Variants in SDK2 observed in about 807,000 individuals in gnomAD.
SDK2 encodes sidekick cell adhesion molecule 2, also known as protein sidekick-2.
SDK2 carries 105 observed loss-of-function variants against 253.9 expected under a neutral mutation model. That is an observed-to-expected ratio of 0.41 (90% CI 0.35 to 0.49). The LOEUF (loss-of-function observed/expected upper bound fraction) is 0.49. Among genes scored for constraint, SDK2 ranks in the 20% least tolerant of loss-of-function variants. SDK2 has a pLI of 0.06. For synonymous variants in SDK2, 1,249 were observed against 1,234.9 expected (o/e 1.01, Z -0.24); for missense variants, 2,608 against 3,003.0 (o/e 0.87, Z 3.07).
chr17:73,348,569 C>T, intron 44 of SDK2, 30 bp downstream of exon 44: 2 of 1,608,192 alleles, frequency 1.2e-6, no homozygotes, highest in Non-Finnish European at 1.7e-6. Context: ...TCCCTGCCCC[C>T]TGCAGGACAC....
intron 37 of SDK2, among the ~76,000 whole-genome samples, chr17:73,365,814 G>A (rs1242115166): frequency 2.0e-5 from 3 of 152,050 alleles, no homozygotes; most frequent in Non-Finnish European, 4.4e-5. Context: ...CAGAATATTC[G>A]GTAGGCGCTA....
rs557130122 is a variant in SDK2 at position 73,467,334 on chromosome 17, C to A, written c.331+4778G>T. 3.9e-5 allele frequency among the ~76,000 whole-genome samples: 6 copies of A among 152,064 alleles called. No homozygotes were observed. In the East Asian group the frequency reaches 1.2e-3, roughly 30 times the overall value. ...AATCAGGCAGTCATGGGTTCAAATCCCAGTTTTTCCTAACTGTGTGACTTA... is the reference window on the plus strand; with the variant it reads ...AATCAGGCAGTCATGGGTTCAAATCACAGTTTTTCCTAACTGTGTGACTTA... On this transcript the variant is annotated intron_variant, in intron 3 of 44. Transcript: ENST00000392650. The surrounding 1 kb of genome is among the most constrained non-coding windows in gnomAD (Gnocchi z 4.1).
chr17:73,573,917 G>T (rs2045421785), intron 1 of SDK2, among the ~76,000 whole-genome samples: 1 of 152,132 alleles, frequency 6.6e-6, no homozygotes, highest in African/African-American at 2.4e-5. Context: ...TTGCTCTCAG[G>T]GGCCCTGGGC....
intron 1 of SDK2, among the ~76,000 whole-genome samples, chr17:73,587,309 GGAGCCAGGAGCCTGGAC>G (rs912958309): frequency 3.9e-5 from 6 of 152,198 alleles, no homozygotes; most frequent in African/African-American, 1.4e-4. Flanking sequence ...GGCCCGAGGT[GGAGCCAGGAGCCTGGAC>G]GGGCCAGGGC....
At chr17:73,497,715 C>G (rs2063854481) in intron 2 of SDK2, among the ~76,000 whole-genome samples, 1 of 152,078 alleles carries the variant, frequency 6.6e-6, no homozygotes, top group African/African-American at 2.4e-5. Context: ...CTCCTCTCTG[C>G]TCTCTTCCAC....
intron 1 of SDK2, among the ~76,000 whole-genome samples, chr17:73,528,815 G>T (rs144891591): frequency 6.6e-6 from 1 of 152,124 alleles, no homozygotes; most frequent in Admixed American, 6.5e-5. Flanking sequence ...TGAGAGGAGC[G>T]TCCCCTGGCC....
Position 73,455,013 on chromosome 17 carries a change from ATAT to A in SDK2, c.479+890_479+892del, listed in dbSNP as rs1370908913. Among the ~76,000 whole-genome samples, 3 of 151,972 alleles carry A rather than the reference ATAT, an allele frequency of 2.0e-5. No homozygotes were observed. The highest frequency in any genetic ancestry group is 1.3e-4 in the Admixed American group (2 of 15,264). ...CCGCCGCGTCCGGCCTGTGATAGTGATATTATTATTATTGTTATTGTTACTATG... is the reference window on the plus strand; with the variant it reads ...CCGCCGCGTCCGGCCTGTGATAGTGATATTATTATTGTTATTGTTACTATG... On this transcript the variant is annotated intron_variant, in intron 4 of 44. Transcript: ENST00000392650. This position sits in a 1 kb window ranked among gnomAD's most constrained non-coding sequence, Gnocchi z 5.0.
chr17:73,506,373 G>T (rs1342673410), intron 2 of SDK2, among the ~76,000 whole-genome samples: 1 of 152,208 alleles, frequency 6.6e-6, no homozygotes, highest in Non-Finnish European at 1.5e-5. Context: ...TGCAGGAGGG[G>T]AGGGGGTGCC....
chr17:73,366,473 A>C (rs1224459148), intron 37 of SDK2, among the ~76,000 whole-genome samples: 1 of 152,152 alleles, frequency 6.6e-6, no homozygotes. Context: ...CATAATGAGG[A>C]ACTGATGCCA....
At chr17:73,614,587 GGGC>G in intron 1 of SDK2, among the ~76,000 whole-genome samples, 1 of 95,126 alleles carries the variant, frequency 1.1e-5, no homozygotes, top group African/African-American at 5.1e-5. Flanking sequence ...AGGGAGGGAG[GGGC>G]ATAAGGATTG....
chr17:73,425,401 C>T (rs966043007), intron 12 of SDK2, among the ~76,000 whole-genome samples: 4 of 152,256 alleles, frequency 2.6e-5, no homozygotes, highest in Admixed American at 1.3e-4. Context: ...CTTCCCCGCC[C>T]GGATAGGCAG....
chr17:73,568,981 C>A (rs993837574), intron 1 of SDK2, among the ~76,000 whole-genome samples: 1 of 152,102 alleles, frequency 6.6e-6, no homozygotes, highest in African/African-American at 2.4e-5. Flanking sequence ...GTGCTAATGG[C>A]CTTTGTGTAT....
In SDK2 at chr17:73,385,920, G is replaced by A. The variant is rs751563081; in HGVS notation, c.4499-3C>T. 4 of 1,598,516 alleles carry A rather than the reference G, an allele frequency of 2.5e-6. No homozygotes were observed. The highest frequency in any genetic ancestry group is 1.7e-5 in the Admixed American group (1 of 57,630). ...GATGGTGGGTGCTTCATCGGGGGCT[G>A]TGGAGAGAAGCAGACAGGTGGGTTC... is the stretch of plus-strand genomic sequence containing the variant. On this transcript the variant is annotated splice_region_variant and splice_polypyrimidine_tract_variant and intron_variant, in intron 31 of 44. Coordinates refer to ENST00000392650, the MANE Select transcript of SDK2 (RefSeq NM_001144952.2).
intron 36 of SDK2, among the ~76,000 whole-genome samples, chr17:73,374,365 C>A (rs1462805705): frequency 6.9e-6 from 1 of 144,576 alleles, no homozygotes; most frequent in Non-Finnish European, 1.5e-5. Flanking sequence ...ATTTCCCTAG[C>A]CTCCTCCTTC....
chr17:73,362,682 T>C (rs1018152298), intron 38 of SDK2, among the ~76,000 whole-genome samples: 2 of 152,148 alleles, frequency 1.3e-5, no homozygotes, highest in African/African-American at 4.8e-5. Flanking sequence ...TGAACCACTA[T>C]GCCCAGTCCA....
Position 73,433,843 on chromosome 17 carries a change from C to T in SDK2, c.1201G>A (p.Ala401Thr), listed in dbSNP as rs779304466. 1.2e-5 allele frequency: 19 copies of T among 1,540,880 alleles called. 1 individual carries two copies. In the Middle Eastern group the frequency reaches 5.1e-4, roughly 42 times the overall value. Residue 401 changes from alanine (A) to threonine (T), a missense_variant, in exon 10 of 45, where the codon GCC (alanine) becomes ACC (threonine). Transcript: ENST00000392650. ...TSTYLAVTSI[A>T]PNITRGPLDS... is the part of the protein sequence containing the mutation. ...AGGGGGCCTCTGGTGATGTTAGGGGCGATGCCTGCAAACAGAGAAGTGGGG... is the reference window on the plus strand; with the variant it reads ...AGGGGGCCTCTGGTGATGTTAGGGGTGATGCCTGCAAACAGAGAAGTGGGG...
chr17:73,346,794 C>T (rs2062488375), intron 44 of SDK2, among the ~76,000 whole-genome samples: 1 of 152,160 alleles, frequency 6.6e-6, no homozygotes, highest in Non-Finnish European at 1.5e-5. Flanking sequence ...ACCCACTCTC[C>T]AAAGACCTGG....
chr17:73,428,143 T>TCACAG (rs749550367), intron 12 of SDK2, among the ~76,000 whole-genome samples: 5 of 152,162 alleles, frequency 3.3e-5, no homozygotes, highest in Non-Finnish European at 7.4e-5. Context: ...CAACGAGATA[T>TCACAG]CACAGCACAG....
At chr17:73,480,385 A>G (rs1410173756) in intron 2 of SDK2, among the ~76,000 whole-genome samples, 2 of 152,216 alleles carry the variant, frequency 1.3e-5, no homozygotes, top group Admixed American at 1.3e-4. Flanking sequence ...GATCTAGGCC[A>G]TGTTAATCAA....
Sources: gnomAD v4.1 joint callset for allele counts (sites outside exome capture counted in the v4.1 genomes callset) on GRCh38, gnomAD v4.1.1 for gene constraint, Gnocchi (gnomAD v3.1) non-coding constraint, MANE v1.5 for transcripts, NCBI Gene and HGNC (gene_info 2026-07-23, HGNC 2026-07-21) for gene names.